Variants in GSG1L observed in about 807,000 individuals in gnomAD.
GSG1L encodes the protein germ cell-specific gene 1-like protein.
GSG1L carries 24 observed loss-of-function variants against 42.1 expected under a neutral mutation model. The observed-to-expected ratio is 0.57, with a 90% CI of 0.41 to 0.80. The LOEUF (loss-of-function observed/expected upper bound fraction) is 0.80, where lower values mean the gene tolerates loss of function less well. Ranked by LOEUF, GSG1L falls within the 30% of genes least tolerant of loss-of-function variation. The probability of loss-of-function intolerance (pLI) is 0.00; values close to 1 mark genes in which losing one functional copy is unlikely to be tolerated. For missense variants in GSG1L, 445 were observed against 472.2 expected, an observed-to-expected ratio of 0.94 and a Z score of 0.53; for synonymous variants, 215 against 203.5, an observed-to-expected ratio of 1.06 and a Z score of -0.48.
intron 1 of GSG1L, among the ~76,000 whole-genome samples, chr16:27,970,519 C>T (rs997240222): frequency 2.0e-5 from 3 of 151,610 alleles, no homozygotes; most frequent in African/African-American, 7.3e-5. Flanking sequence ...TTGCAGTGAG[C>T]CAAGACCACG....
In GSG1L at chr16:28,063,311, C is replaced by T. The variant is rs1238109084; in HGVS notation, c.114G>A (p.Arg38=). The T allele has an allele frequency of 7.2e-7, 1 of 1,393,770 alleles. No individual in the cohort carries two copies. The highest frequency in any genetic ancestry group is 9.4e-7 in the Non-Finnish European group (1 of 1,065,748). 86.3% of individuals were successfully genotyped at this position (1,393,770 alleles called of 1,614,324 possible). ...CCTGGCCGCAGCCCGGCTTGGGGAC[C>T]CGCTGCGTGCCCTGGCACCAGTGCG... ...LTTHWCQGTQ[R]VPKPGCGQGG... is the part of the protein sequence containing the mutation. The change falls in exon 1 of 7, where the codon CGG becomes CGA. Residue 38 remains arginine (R), a synonymous_variant. Coordinates refer to ENST00000447459, the MANE Select transcript of GSG1L (RefSeq NM_001109763.2). The surrounding 1 kb of genome is among the most constrained non-coding windows in gnomAD (Gnocchi z 5.8).
chr16:27,928,517 G>A (rs62033484), intron 2 of GSG1L, among the ~76,000 whole-genome samples: 26,838 of 150,920 alleles, frequency 0.18, 2,863 homozygotes, highest in East Asian at 0.31. Flanking sequence ...GAAAAGAAAA[G>A]AAAACAAAAC....
intron 1 of GSG1L, among the ~76,000 whole-genome samples, chr16:27,986,274 C>T (rs992355996): frequency 2.6e-5 from 4 of 152,084 alleles, no homozygotes; most frequent in Non-Finnish European, 5.9e-5. Flanking sequence ...CCAAGGCAGG[C>T]AGATCTCTTG....
chr16:27,980,648 T>G (rs2085314776), intron 1 of GSG1L, among the ~76,000 whole-genome samples: 1 of 151,988 alleles, frequency 6.6e-6, no homozygotes, highest in African/African-American at 2.4e-5. Context: ...TCTGGGAGGC[T>G]GAGGTGAGCA....
chr16:27,900,623 G>T (rs1351089464), intron 2 of GSG1L, among the ~76,000 whole-genome samples: 2 of 152,144 alleles, frequency 1.3e-5, no homozygotes, highest in African/African-American at 4.8e-5. Context: ...TGCAGCATTG[G>T]CAAGGGGAGT....
At chr16:27,960,990 C>T (rs2085064159) in intron 2 of GSG1L, among the ~76,000 whole-genome samples, 1 of 152,142 alleles carries the variant, frequency 6.6e-6, no homozygotes, top group Non-Finnish European at 1.5e-5. Flanking sequence ...CTGATACCTT[C>T]TGGAGGGGCA....
chr16:28,001,253 T>C (rs1166263578), intron 1 of GSG1L, among the ~76,000 whole-genome samples: 3 of 152,176 alleles, frequency 2.0e-5, no homozygotes, highest in Admixed American at 6.5e-5. Context: ...AGAATTGCCA[T>C]CATTTTTCCA....
chr16:27,960,571 G>A (rs1353013448), intron 2 of GSG1L, among the ~76,000 whole-genome samples: 2 of 152,176 alleles, frequency 1.3e-5, no homozygotes, highest in East Asian at 1.9e-4. Flanking sequence ...TGTTCCCAGT[G>A]CGGCTGGGAA....
At chr16:28,052,834 C>T (rs2086234557) in intron 1 of GSG1L, among the ~76,000 whole-genome samples, 1 of 152,244 alleles carries the variant, frequency 6.6e-6, no homozygotes, top group Admixed American at 6.5e-5. Flanking sequence ...TGTGAGATCC[C>T]CATGTGGAGA....
intron 3 of GSG1L, among the ~76,000 whole-genome samples, chr16:27,861,720 A>C (rs755697266): frequency 2.6e-5 from 4 of 152,038 alleles, no homozygotes; most frequent in African/African-American, 7.2e-5. Context: ...CATACCCCAA[A>C]GCATATTCCT....
intron 1 of GSG1L, among the ~76,000 whole-genome samples, chr16:28,015,137 A>G (rs1256300699): frequency 2.6e-5 from 4 of 152,250 alleles, no homozygotes; most frequent in Non-Finnish European, 5.9e-5. Context: ...TTGCCTGGGC[A>G]AGGAACCAGG....
chr16:28,026,070 C>T (rs554964216), intron 1 of GSG1L, among the ~76,000 whole-genome samples: 5 of 152,234 alleles, frequency 3.3e-5, no homozygotes, highest in African/African-American at 1.2e-4. Context: ...CAAGGCTGGC[C>T]GATATTCAGG....
At chr16:27,870,800 C>T (rs980022585) in intron 3 of GSG1L, among the ~76,000 whole-genome samples, 5 of 151,494 alleles carry the variant, frequency 3.3e-5, no homozygotes, top group Non-Finnish European at 7.3e-5. Flanking sequence ...TGTGGACCAT[C>T]AAGTCCTGCC....
At chr16:28,039,357 G>A (rs1428529652) in intron 1 of GSG1L, among the ~76,000 whole-genome samples, 1 of 152,134 alleles carries the variant, frequency 6.6e-6, no homozygotes, top group Non-Finnish European at 1.5e-5. Flanking sequence ...TTTGGCAATG[G>A]CTGGAGAGAT....
intron 2 of GSG1L, among the ~76,000 whole-genome samples, chr16:27,917,120 AAAG>A (rs2084466542): frequency 6.6e-6 from 1 of 152,222 alleles, no homozygotes; most frequent in Admixed American, 6.5e-5. Flanking sequence ...AGAGGATTTT[AAAG>A]AAGCCGGTGG....
At chr16:28,057,310 G>A (rs2086290703) in intron 1 of GSG1L, among the ~76,000 whole-genome samples, 1 of 152,148 alleles carries the variant, frequency 6.6e-6, no homozygotes, top group Non-Finnish European at 1.5e-5. Flanking sequence ...GGACGCACTG[G>A]GTTCTGATTG....
At chr16:27,975,578 C>T (rs1002393888) in intron 1 of GSG1L, among the ~76,000 whole-genome samples, 5 of 152,220 alleles carry the variant, frequency 3.3e-5, no homozygotes, top group African/African-American at 1.2e-4. Flanking sequence ...ACGTGTAGTC[C>T]TGTGTGCACT....
chr16:27,901,353 T>C (rs543148591), intron 2 of GSG1L, among the ~76,000 whole-genome samples: 89 of 152,302 alleles, frequency 5.8e-4, no homozygotes, highest in African/African-American at 2.1e-3. Flanking sequence ...CTGAGGTTTG[T>C]TGCCACCACA....
intron 2 of GSG1L, among the ~76,000 whole-genome samples, chr16:27,913,530 G>A (rs2084415796): frequency 6.6e-6 from 1 of 152,212 alleles, no homozygotes; most frequent in Non-Finnish European, 1.5e-5. Flanking sequence ...TTTGGGAGAT[G>A]AGAGCAGGGG....
Sources: allele counts gnomAD v4.1 joint callset (sites outside exome capture counted in the v4.1 genomes callset), GRCh38; gene constraint gnomAD v4.1.1; non-coding constraint Gnocchi (gnomAD v3.1); transcripts MANE v1.5; gene names NCBI Gene and HGNC (gene_info 2026-07-23, HGNC 2026-07-21).